KCNN1: variants seen among roughly 807,000 people sequenced by gnomAD.
The protein encoded by KCNN1 is potassium calcium-activated channel subfamily N member 1, also known as small conductance calcium-activated potassium channel protein 1.
KCNN1 carries 20 observed loss-of-function variants against 44.7 expected under a neutral mutation model. The ratio of observed to expected loss-of-function variants is 0.45; its 90% CI spans 0.32 to 0.65. The LOEUF is 0.65. Among genes scored for constraint, KCNN1 ranks in the 30% least tolerant of loss-of-function variants. The probability of loss-of-function intolerance (pLI) is 0.05; values close to 1 mark genes in which losing one functional copy is unlikely to be tolerated. For synonymous variants in KCNN1, 324 were observed against 341.7 expected, an observed-to-expected ratio of 0.95 and a Z score of 0.57; for missense variants, 632 against 785.3, an observed-to-expected ratio of 0.80 and a Z score of 2.33.
At chr19:17,955,468 G>A (rs1489965155) in intron 2 of KCNN1, among the ~76,000 whole-genome samples, 1 of 149,804 alleles carries the variant, frequency 6.7e-6, no homozygotes, top group African/African-American at 2.5e-5. Context: ...GGCTAAGGCA[G>A]GAGAATCACT....
intron 1 of KCNN1, among the ~76,000 whole-genome samples, chr19:17,969,296 C>T (rs1269305302): frequency 2.0e-5 from 3 of 152,198 alleles, no homozygotes; most frequent in Non-Finnish European, 4.4e-5. Flanking sequence ...CTAATTTAGT[C>T]CCTGCCTTTC....
intron 2 of KCNN1, among the ~76,000 whole-genome samples, chr19:17,956,682 G>A (rs570447863): frequency 2.2e-4 from 33 of 152,008 alleles, no homozygotes; most frequent in Non-Finnish European, 4.4e-4. Context: ...AGAGGTCGAG[G>A]ATACAGTGGG....
intron 7 of KCNN1, among the ~76,000 whole-genome samples, chr19:17,992,829 CGGT>C: frequency 6.6e-6 from 1 of 152,268 alleles, no homozygotes; most frequent in South Asian, 2.1e-4. Context: ...ACACCGCCTC[CGGT>C]GGTGGTGAGA....
chr19:17,981,727 G>A lies in KCNN1; in HGVS notation c.517G>A (p.Gly173Arg). Residue 173 changes from glycine to arginine, a missense_variant, in exon 4 of 10, where the codon GGG becomes AGG. Transcript: ENST00000684775. ...REIQLFMVDNGADDWRIAMTC... is the reference protein window; with the variant it reads ...REIQLFMVDNRADDWRIAMTC... ...TCCACAGCTGTTCATGGTGGACAACGGGGCTGATGACTGGCGCATCGCCAT... is the reference window on the plus strand; with the variant it reads ...TCCACAGCTGTTCATGGTGGACAACAGGGCTGATGACTGGCGCATCGCCAT... 1 of 1,589,280 alleles carries A rather than the reference G, an allele frequency of 6.3e-7. No individual in the cohort carries two copies. The highest frequency in any genetic ancestry group is 8.6e-7 in the Non-Finnish European group (1 of 1,162,914).
At chr19:17,995,459 C>T (rs2032952206) in intron 9 of KCNN1, among the ~76,000 whole-genome samples, 2 of 152,048 alleles carry the variant, frequency 1.3e-5, no homozygotes, top group African/African-American at 4.8e-5. Context: ...CAGGCGTGAG[C>T]CACCGCACCC....
chr19:17,983,133 C>G lies in KCNN1; in HGVS notation c.917+1006C>G, dbSNP rs974401521. Among the ~76,000 whole-genome samples the G allele has an allele frequency of 6.6e-6, 1 of 152,142 alleles. No homozygotes were observed. Among genetic ancestry groups the G allele is most frequent in the African/African-American group, 2.4e-5 (1 of 41,436 alleles). ...CCTAGGAGGTGGTGGACCATCAACCCGATTTACAGAGAGGGAAACTGAGGC... is the reference window on the plus strand; with the variant it reads ...CCTAGGAGGTGGTGGACCATCAACCGGATTTACAGAGAGGGAAACTGAGGC... On this transcript the variant is annotated intron_variant, in intron 4 of 9. Coordinates refer to ENST00000684775, the MANE Select transcript of KCNN1 (RefSeq NM_001386974.1). This position sits in a 1 kb window ranked among gnomAD's most constrained non-coding sequence, Gnocchi z 4.5.
At chr19:17,997,874 G>A (rs2033051276) in intron 9 of KCNN1, among the ~76,000 whole-genome samples, 1 of 151,634 alleles carries the variant, frequency 6.6e-6, no homozygotes, top group Non-Finnish European at 1.5e-5. Flanking sequence ...CTCCAGCATA[G>A]GTGACGGAGG....
chr19:17,992,567 C>T (rs1296575069), intron 7 of KCNN1, among the ~76,000 whole-genome samples: 1 of 152,196 alleles, frequency 6.6e-6, no homozygotes, highest in African/African-American at 2.4e-5. Flanking sequence ...TGCCACTGCA[C>T]TCCCGCCTGG....
intron 3 of KCNN1, among the ~76,000 whole-genome samples, chr19:17,978,799 A>G (rs1301923437): frequency 6.6e-6 from 1 of 151,092 alleles, no homozygotes; most frequent in Non-Finnish European, 1.5e-5. Flanking sequence ...TCACGCCTGT[A>G]ATCCCAATAC....
At position 17,998,071 on chromosome 19, in the gene KCNN1, C is replaced by A; in HGVS notation, c.1378-81C>A. 2.8e-6 allele frequency: 4 copies of A among 1,432,300 alleles called. No homozygotes were observed. The allele number at this position is 1,432,300 out of a possible 1,614,324, so 88.7% of individuals were successfully genotyped here. A position where few individuals can be genotyped will look rare whatever the true frequency, so the allele number is the denominator to read the frequency against. On this transcript the variant is annotated intron_variant, in intron 9 of 9. Coordinates refer to ENST00000684775, the MANE Select transcript of KCNN1 (RefSeq NM_001386974.1). The surrounding 1 kb of genome is among the most constrained non-coding windows in gnomAD (Gnocchi z 5.4). ...CACCTGGAGCGTGTGGGCTGTCCCT[C>A]TCTGTCATTGGTGTCGTGGTATCGT... is the stretch of plus-strand genomic sequence containing the variant.
rs2031975801 is a variant in KCNN1, at chr19:17,970,358, T to C, written c.-82+3041T>C. On this transcript the variant is annotated intron_variant, in intron 1 of 9. Transcript: ENST00000684775. ...TTGGAGACAGGGTCTCACTCTGTTATCCAGGCTGGAATGCAGTGGCATGAT... is the reference window on the plus strand; with the variant it reads ...TTGGAGACAGGGTCTCACTCTGTTACCCAGGCTGGAATGCAGTGGCATGAT... 5.5e-5 allele frequency among the ~76,000 whole-genome samples: 7 copies of C among 127,220 alleles called. No homozygotes were observed. In the Admixed American group the frequency reaches 6.6e-4, roughly 12 times the overall value. The allele number at this position is 127,220 out of a possible 152,430, so 83.5% of individuals were successfully genotyped here. A position where few individuals can be genotyped will look rare whatever the true frequency, so the allele number is the denominator to read the frequency against.
chr19:17,977,922 A>C (rs899688512), intron 3 of KCNN1, among the ~76,000 whole-genome samples: 7 of 152,088 alleles, frequency 4.6e-5, no homozygotes, highest in Non-Finnish European at 7.4e-5. Flanking sequence ...TGAAATTTTC[A>C]GAAGATGCAA....
intron 2 of KCNN1, among the ~76,000 whole-genome samples, chr19:17,959,358 A>G (rs2031624967): frequency 6.6e-6 from 1 of 151,842 alleles, no homozygotes; most frequent in Non-Finnish European, 1.5e-5. Context: ...TCCTAGGTTC[A>G]AGTGATTCTC....
intron 1 of KCNN1, among the ~76,000 whole-genome samples, chr19:17,951,989 C>T (rs1369660843): frequency 6.6e-6 from 1 of 152,262 alleles, no homozygotes. Flanking sequence ...GGCAGAGGGT[C>T]CTCCCATCTC....
In KCNN1 at chr19:17,993,581, G is replaced by T. The variant is rs755440554; in HGVS notation, c.1377+22G>T. The stretch of plus-strand genomic sequence containing the variant: ...CAAGGTGAGTGGGTTGGGGCAGGGT[G>T]GGCCAGACAGGGCAGGTGGGGCCCC... On this transcript the variant is annotated intron_variant, in intron 9 of 9. Coordinates refer to ENST00000684775, the MANE Select transcript of KCNN1 (RefSeq NM_001386974.1). This position sits in a 1 kb window ranked among gnomAD's most constrained non-coding sequence, Gnocchi z 4.5. 5.0e-6 allele frequency: 8 copies of T among 1,610,120 alleles called. No individual in the cohort carries two copies. The South Asian group carries it at 7.7e-5, about 15-fold the overall frequency.
intron 1 of KCNN1, among the ~76,000 whole-genome samples, chr19:17,951,653 C>A (rs2031411141): frequency 6.6e-6 from 1 of 152,156 alleles, no homozygotes; most frequent in Admixed American, 6.5e-5. Context: ...ACCAGCCCAA[C>A]AATGAAATAG....
chr19:17,969,105 G>A (rs972323865), intron 1 of KCNN1, among the ~76,000 whole-genome samples: 12 of 152,022 alleles, frequency 7.9e-5, no homozygotes, highest in African/African-American at 2.9e-4. Flanking sequence ...AATCCCTGAG[G>A]GTCCCAGGGA....
intron 1 of KCNN1, among the ~76,000 whole-genome samples, chr19:17,969,771 C>T (rs1300293179): frequency 6.6e-6 from 1 of 152,210 alleles, no homozygotes; most frequent in African/African-American, 2.4e-5. Context: ...CATCCCTGTG[C>T]CCCCCATCCC....
At chr19:17,986,863 A>G (rs1425400801) in intron 5 of KCNN1, among the ~76,000 whole-genome samples, 3 of 151,966 alleles carry the variant, frequency 2.0e-5, no homozygotes, top group African/African-American at 4.8e-5. Context: ...CTGGAGTGCA[A>G]CGGCACGATC....
Sources: gnomAD v4.1 joint callset for allele counts (sites outside exome capture counted in the v4.1 genomes callset) on GRCh38, gnomAD v4.1.1 for gene constraint, Gnocchi (gnomAD v3.1) non-coding constraint, MANE v1.5 for transcripts, NCBI Gene and HGNC (gene_info 2026-07-23, HGNC 2026-07-21) for gene names.